The following RRAS2 variants were observed in gnomAD, a reference collection of about 807,000 sequenced individuals.
The protein encoded by RRAS2 is RAS related 2, also known as ras-related protein R-Ras2.
RRAS2 carries 7 observed loss-of-function variants against 27.6 expected under a neutral mutation model. The observed-to-expected ratio is 0.25, with a 90% CI of 0.14 to 0.48. The LOEUF is 0.48. RRAS2 is among the 20% of genes least tolerant of loss of function. The pLI is 0.99. For synonymous variants in RRAS2, 86 were observed against 90.9 expected, an observed-to-expected ratio of 0.95 and a Z score of 0.31; for missense variants, 178 against 256.2, an observed-to-expected ratio of 0.69 and a Z score of 2.08.
At position 14,358,528 on chromosome 11, in the gene RRAS2, G is replaced by A. The variant is rs1177431627; in HGVS notation, c.108+235C>T. Reference sequence around the variant, plus strand: ...CCCACCCTTCCAGCTCCGCCCTCCCGACCACATTCCTGAGAAGCCCTACTC... The same window carrying A: ...CCCACCCTTCCAGCTCCGCCCTCCCAACCACATTCCTGAGAAGCCCTACTC... On this transcript the variant is annotated intron_variant, in intron 1 of 5. Coordinates refer to ENST00000256196, the MANE Select transcript of RRAS2 (RefSeq NM_012250.6). This position sits in a 1 kb window ranked among gnomAD's most constrained non-coding sequence, Gnocchi z 5.1. 14 of 985,230 alleles carry A rather than the reference G, an allele frequency of 1.4e-5. No homozygotes were observed. The African/African-American group carries it at 2.3e-4, about 16-fold the overall frequency. The allele number at this position is 985,230 out of a possible 1,614,324, so 61.0% of individuals were successfully genotyped here.
intron 1 of RRAS2, among the ~76,000 whole-genome samples, chr11:14,307,262 G>C (rs1554948213): frequency 6.6e-6 from 1 of 151,428 alleles, no homozygotes; most frequent in Non-Finnish European, 1.5e-5. Flanking sequence ...AAAGGAAGAG[G>C]GAAAAAAAAA....
intron 1 of RRAS2, among the ~76,000 whole-genome samples, chr11:14,316,634 T>C (rs893710664): frequency 1.3e-5 from 2 of 152,186 alleles, no homozygotes; most frequent in Admixed American, 6.5e-5. Context: ...TCCTAGCTAA[T>C]TGGGAGGTTG....
intron 1 of RRAS2, among the ~76,000 whole-genome samples, chr11:14,336,119 A>G (rs1187141153): frequency 6.6e-6 from 1 of 152,214 alleles, no homozygotes; most frequent in Non-Finnish European, 1.5e-5. Flanking sequence ...TCCTTCTCCC[A>G]GCAGTGTCAA....
intron 1 of RRAS2, among the ~76,000 whole-genome samples, chr11:14,327,112 T>C (rs1848377097): frequency 6.6e-6 from 1 of 152,068 alleles, no homozygotes; most frequent in Admixed American, 6.6e-5. Context: ...TGTTCTGCTG[T>C]GGAAAACTAA....
Position 14,336,765 on chromosome 11 carries a change from T to C in RRAS2, c.108+21998A>G, listed in dbSNP as rs561205492. Among the ~76,000 whole-genome samples, 19 of 152,182 alleles carry C rather than the reference T, an allele frequency of 1.2e-4. No individual in the cohort carries two copies. The South Asian group carries it at 3.9e-3, about 32-fold the overall frequency. ...TGGGAATGTTACAAAAGATCTAACT[T>C]CCATGTTATCAGAGGATCACAATGA... On this transcript the variant is annotated intron_variant, in intron 1 of 5. Transcript: ENST00000256196.
At position 14,344,983 on chromosome 11, in the gene RRAS2, C is replaced by CTTTTTTTTTTTTTT. The variant is rs782306600; in HGVS notation, c.108+13779_108+13780insAAAAAAAAAAAAAA. Among the ~76,000 whole-genome samples, 2 of 78,982 alleles carry CTTTTTTTTTTTTTT rather than the reference C, an allele frequency of 2.5e-5. 1 individual carries two copies. The allele number at this position is 78,982 out of a possible 152,430, so 51.8% of individuals were successfully genotyped here. On this transcript the variant is annotated intron_variant, in intron 1 of 5. Transcript: ENST00000256196. Reference sequence around the variant, plus strand: ...TTTATTTCCTGTGCCCTACTCAAGACTTTATTTTTTTTTTTTTTTTTTTTG... The same window carrying CTTTTTTTTTTTTTT: ...TTTATTTCCTGTGCCCTACTCAAGACTTTTTTTTTTTTTTTTTATTTTTTTTTTTTTTTTTTTTG...
intron 4 of RRAS2, among the ~76,000 whole-genome samples, chr11:14,289,331 A>ATACC (rs1394401377): frequency 1.3e-5 from 2 of 152,226 alleles, no homozygotes; most frequent in African/African-American, 4.8e-5. Context: ...GAAAGATGGT[A>ATACC]AAGACAAAAA....
intron 1 of RRAS2, among the ~76,000 whole-genome samples, chr11:14,315,291 C>T (rs933060019): frequency 6.6e-6 from 1 of 152,160 alleles, no homozygotes; most frequent in Non-Finnish European, 1.5e-5. Context: ...AGCATGTACT[C>T]TTGATATAAT....
At chr11:14,293,446 T>C (rs1181720829) in intron 4 of RRAS2, among the ~76,000 whole-genome samples, 6 of 152,088 alleles carry the variant, frequency 3.9e-5, no homozygotes, top group Non-Finnish European at 7.3e-5. Context: ...CATATAACAT[T>C]GATATTGTTT....
intron 1 of RRAS2, among the ~76,000 whole-genome samples, chr11:14,320,184 A>G (rs1210052992): frequency 6.6e-6 from 1 of 152,028 alleles, no homozygotes; most frequent in Non-Finnish European, 1.5e-5. Flanking sequence ...GTGAGTCTGC[A>G]AAGTTCTAAT....
chr11:14,325,310 AT>A (rs35405878), intron 1 of RRAS2, among the ~76,000 whole-genome samples: 47,022 of 124,554 alleles, frequency 0.38, 7,113 homozygotes, highest in East Asian at 0.47. Context: ...TCCTTTTAGT[AT>A]TTTTTTTTTT....
chr11:14,340,262 A>T (rs1848676233), intron 1 of RRAS2, among the ~76,000 whole-genome samples: 1 of 151,868 alleles, frequency 6.6e-6, no homozygotes, highest in South Asian at 2.1e-4. Flanking sequence ...ATGCCCAGCT[A>T]ATTTTTTGTA....
chr11:14,332,519 TAATAA>T (rs1848500813), intron 1 of RRAS2, among the ~76,000 whole-genome samples: 1 of 151,864 alleles, frequency 6.6e-6, no homozygotes, highest in Non-Finnish European at 1.5e-5. Context: ...GTAATAATAA[TAATAA>T]AATAAAGAAC....
At chr11:14,286,965 T>A (rs1203373937) in intron 4 of RRAS2, among the ~76,000 whole-genome samples, 2 of 152,172 alleles carry the variant, frequency 1.3e-5, no homozygotes, top group African/African-American at 2.4e-5. Flanking sequence ...TTCCTTCATA[T>A]AAAATACCCC....
intron 1 of RRAS2, among the ~76,000 whole-genome samples, chr11:14,313,789 CACG>C (rs1848032559): frequency 6.6e-6 from 1 of 152,136 alleles, no homozygotes; most frequent in Non-Finnish European, 1.5e-5. Flanking sequence ...AATCAACCAG[CACG>C]ACAACAACTT....
At chr11:14,346,512 G>T (rs964904197) in intron 1 of RRAS2, among the ~76,000 whole-genome samples, 2 of 152,174 alleles carry the variant, frequency 1.3e-5, no homozygotes, top group East Asian at 3.8e-4. Context: ...GACCTCTACT[G>T]TTATAACACA....
chr11:14,333,910 G>A (rs930120049), intron 1 of RRAS2, among the ~76,000 whole-genome samples: 11 of 152,160 alleles, frequency 7.2e-5, no homozygotes, highest in East Asian at 5.8e-4. Flanking sequence ...AATTACAGGC[G>A]TCAGCCATCT....
At position 14,279,212 on chromosome 11, in the gene RRAS2, T is replaced by C. The variant is rs1554943928; in HGVS notation, c.*125A>G. 5.7e-6 allele frequency: 4 copies of C among 700,420 alleles called. No individual in the cohort carries two copies. The highest frequency in any genetic ancestry group is 1.0e-5 in the Non-Finnish European group (4 of 396,248). 43.4% of individuals were successfully genotyped at this position (700,420 alleles called of 1,614,324 possible). ...TCACAGAAAGGACTAGCCAGCTTCT[T>C]CGTCTAAGGCTAACATGGTGATCAT... On this transcript the variant is annotated 3_prime_UTR_variant, in exon 6 of 6. Transcript: ENST00000256196.
intron 1 of RRAS2, among the ~76,000 whole-genome samples, chr11:14,353,470 T>A (rs1298862909): frequency 6.6e-6 from 1 of 151,908 alleles, no homozygotes; most frequent in Non-Finnish European, 1.5e-5. Context: ...CTGTCTATAA[T>A]CCCAGCTACT....
Sources: gnomAD v4.1 joint callset for allele counts (sites outside exome capture counted in the v4.1 genomes callset) on GRCh38, gnomAD v4.1.1 for gene constraint, Gnocchi (gnomAD v3.1) non-coding constraint, MANE v1.5 for transcripts, NCBI Gene and HGNC (gene_info 2026-07-23, HGNC 2026-07-21) for gene names.